Variants in AGMO observed in about 807,000 individuals in gnomAD.
AGMO encodes the protein glyceryl-ether monooxygenase.
In AGMO, 75 loss-of-function variants were observed where a neutral mutation model predicts 60.2. The ratio of observed to expected loss-of-function variants is 1.25; its 90% CI spans 1.03 to 1.51. AGMO has a LOEUF of 1.51. Among genes scored for constraint, AGMO ranks in the 40% most tolerant of loss-of-function variants. The pLI is 0.00. For synonymous variants in AGMO, 261 were observed against 177.1 expected (o/e 1.47, Z -3.76); for missense variants, 763 against 525.5 (o/e 1.45, Z -4.42).
the AGMO span, among the ~76,000 whole-genome samples, chr7:15,175,754 T>A: frequency 6.6e-6 from 1 of 152,004 alleles, no homozygotes; most frequent in Non-Finnish European, 1.5e-5. Context: ...TTTAATTTAC[T>A]TTAAGGAAAG....
chr7:15,266,992 C>T (rs1477941345), intron 12 of AGMO, among the ~76,000 whole-genome samples: 1 of 151,866 alleles, frequency 6.6e-6, no homozygotes, highest in South Asian at 2.1e-4. Flanking sequence ...TTTACTTTTG[C>T]CAAAATGGCC....
At chr7:15,240,714 G>C (rs9784966) in intron 12 of AGMO, among the ~76,000 whole-genome samples, 4,300 of 152,016 alleles carry the variant, frequency 0.028, 209 homozygotes, top group African/African-American at 0.097. Flanking sequence ...ATAATCTATA[G>C]GGCAATTTTC....
chr7:15,176,875 A>T, the AGMO span, among the ~76,000 whole-genome samples: 1 of 151,992 alleles, frequency 6.6e-6, no homozygotes, highest in African/African-American at 2.4e-5. Flanking sequence ...TGCTATACAC[A>T]ACTAAACAGA....
At chr7:15,346,964 T>G (rs1782056723) in intron 12 of AGMO, among the ~76,000 whole-genome samples, 1 of 152,054 alleles carries the variant, frequency 6.6e-6, no homozygotes, top group Admixed American at 6.6e-5. Context: ...TTTTTAAGTA[T>G]GTACTACATT....
intron 3 of AGMO, among the ~76,000 whole-genome samples, chr7:15,505,661 C>G (rs1358985369): frequency 6.6e-6 from 1 of 151,908 alleles, no homozygotes; most frequent in Non-Finnish European, 1.5e-5. Context: ...ATGAACATAA[C>G]AAGTGTGACT....
intron 6 of AGMO, among the ~76,000 whole-genome samples, chr7:15,393,659 T>C (rs778561799): frequency 6.6e-6 from 1 of 152,194 alleles, no homozygotes; most frequent in Non-Finnish European, 1.5e-5. Context: ...ATACTGAGAT[T>C]GTTCAACGCC....
chr7:15,122,978 G>A, the AGMO span, among the ~76,000 whole-genome samples: 16 of 152,048 alleles, frequency 1.1e-4, no homozygotes, highest in South Asian at 8.3e-4. Flanking sequence ...ATATAATCTG[G>A]CCCTCCTGAT....
At chr7:15,156,825 A>G in the AGMO span, among the ~76,000 whole-genome samples, 2 of 152,122 alleles carry the variant, frequency 1.3e-5, no homozygotes, top group African/African-American at 4.8e-5. Context: ...CTCAGTGGAA[A>G]AAGCTCTTCT....
At chr7:15,510,804 T>C (rs1035325085) in intron 3 of AGMO, among the ~76,000 whole-genome samples, 1 of 47,518 alleles carries the variant, frequency 2.1e-5, no homozygotes, top group African/African-American at 9.4e-5. Context: ...AAATTATGCA[T>C]AAGGAAACAT....
At chr7:15,437,766 T>C (rs944813966) in intron 3 of AGMO, among the ~76,000 whole-genome samples, 1 of 152,096 alleles carries the variant, frequency 6.6e-6, no homozygotes, top group Middle Eastern at 3.2e-3. Context: ...GGTCTTGATC[T>C]CCTGACCTCG....
chr7:15,536,604 C>CAATAA (rs750750143), intron 3 of AGMO, among the ~76,000 whole-genome samples: 13 of 151,770 alleles, frequency 8.6e-5, no homozygotes, highest in Non-Finnish European at 1.9e-4. Context: ...GTGACCATAC[C>CAATAA]TGTTATTAAG....
At chr7:15,322,965 G>A (rs1167278480) in intron 12 of AGMO, among the ~76,000 whole-genome samples, 1 of 70,084 alleles carries the variant, frequency 1.4e-5, no homozygotes, top group Non-Finnish European at 2.6e-5. Context: ...TAACACGTGT[G>A]TGTATATATA....
intron 12 of AGMO, among the ~76,000 whole-genome samples, chr7:15,334,743 CACTT>C (rs1222993024): frequency 2.0e-5 from 3 of 152,176 alleles, no homozygotes; most frequent in African/African-American, 4.8e-5. Flanking sequence ...AAACCAGTGT[CACTT>C]ACAACCCTCC....
intron 12 of AGMO, among the ~76,000 whole-genome samples, chr7:15,234,683 A>T (rs191491292): frequency 6.3e-4 from 96 of 152,330 alleles, no homozygotes; most frequent in African/African-American, 1.9e-3. Flanking sequence ...CAACTACTCA[A>T]CTATGCCATG....
intron 12 of AGMO, among the ~76,000 whole-genome samples, chr7:15,226,135 T>A (rs1441263424): frequency 6.6e-6 from 1 of 152,062 alleles, no homozygotes. Flanking sequence ...TAGATTTTAC[T>A]GGCTAAAATC....
the AGMO span, among the ~76,000 whole-genome samples, chr7:15,118,211 T>C: frequency 0.4 from 51,807 of 130,996 alleles, 10,378 homozygotes; most frequent in South Asian, 0.54. Flanking sequence ...CACACACACA[T>C]ATATACAAAC....
intron 10 of AGMO, among the ~76,000 whole-genome samples, chr7:15,378,503 T>TA (rs1412412716): frequency 3.9e-5 from 6 of 152,038 alleles, no homozygotes; most frequent in African/African-American, 1.4e-4. Context: ...CTAACTATCC[T>TA]AAATATGTAT....
chr7:15,158,714 C>T, the AGMO span, among the ~76,000 whole-genome samples: 1 of 151,994 alleles, frequency 6.6e-6, no homozygotes, highest in Non-Finnish European at 1.5e-5. Flanking sequence ...TTATAAAGCC[C>T]CAGCATAGAA....
At chr7:15,433,481 G>C (rs965058362) in intron 3 of AGMO, among the ~76,000 whole-genome samples, 1 of 152,002 alleles carries the variant, frequency 6.6e-6, no homozygotes, top group African/African-American at 2.4e-5. Flanking sequence ...TCTATATTCA[G>C]CTTATTGGAG....
Sources: gnomAD v4.1 joint callset for allele counts (sites outside exome capture counted in the v4.1 genomes callset) on GRCh38, gnomAD v4.1.1 for gene constraint, MANE v1.5 for transcripts, NCBI Gene and HGNC (gene_info 2026-07-23, HGNC 2026-07-21) for gene names.